RAB18: variants seen among roughly 807,000 people sequenced by gnomAD.
The protein encoded by RAB18 is ras-related protein Rab-18.
A neutral mutation model predicts 28.5 loss-of-function variants in RAB18; 10 were observed. The observed-to-expected ratio is 0.35, with a 90% CI of 0.22 to 0.60. The LOEUF is 0.60. RAB18 is among the 20% of genes least tolerant of loss of function. The pLI is 0.78. For missense variants in RAB18, 188 were observed against 244.2 expected (o/e 0.77, Z 1.53); for synonymous variants, 93 against 86.9 (o/e 1.07, Z -0.39).
chr10:27,508,280 A>G lies in RAB18; in HGVS notation c.69-1595A>G, dbSNP rs572957143. 1.6e-4 allele frequency among the ~76,000 whole-genome samples: 25 copies of G among 152,298 alleles called. No individual in the cohort carries two copies. In the South Asian group the frequency reaches 5.0e-3, roughly 30 times the overall value. On this transcript the variant is annotated intron_variant, in intron 1 of 6. Coordinates refer to ENST00000356940, the MANE Select transcript of RAB18 (RefSeq NM_021252.5). The stretch of plus-strand genomic sequence containing the variant: ...CACCAATTCCCTGCCTCTCCTTACA[A>G]AGTACTGTTAATAACAAAGGCCATT...
At chr10:27,510,033 C>G in intron 2 of RAB18, 103 bp downstream of exon 2, 1 of 862,104 alleles carries the variant, frequency 1.2e-6, no homozygotes, top group Non-Finnish European at 2.0e-6. Context: ...CCCACTGCCT[C>G]CATGTCTGTT....
chr10:27,504,537 C>A, intron 1 of RAB18, 100 bp downstream of exon 1: 1 of 1,376,066 alleles, frequency 7.3e-7, no homozygotes, highest in Non-Finnish European at 1.0e-6. Flanking sequence ...ACTGCAGCGG[C>A]GGGCTCGGGC....
chr10:27,528,973 A>G (rs1834734066), intron 3 of RAB18, among the ~76,000 whole-genome samples: 1 of 152,044 alleles, frequency 6.6e-6, no homozygotes, highest in Non-Finnish European at 1.5e-5. Context: ...CATTTTAAAA[A>G]ATAAGTTTTC....
rs1442203382 is a variant in RAB18 at position 27,531,579 on chromosome 10, A to G, written c.187-928A>G. The stretch of plus-strand genomic sequence containing the variant: ...ACTTTTTCTTAAAGAGCCAGATAGG[A>G]AATAGTCCAATCCTGAAGTGGGCCA... On this transcript the variant is annotated intron_variant, in intron 3 of 6. Coordinates refer to ENST00000356940, the MANE Select transcript of RAB18 (RefSeq NM_021252.5). 10 of 1,235,540 alleles carry G rather than the reference A, an allele frequency of 8.1e-6. No homozygotes were observed. The Admixed American group carries it at 2.0e-4, about 24-fold the overall frequency. The allele number at this position is 1,235,540 out of a possible 1,614,324, so 76.5% of individuals were successfully genotyped here. A position where few individuals can be genotyped will look rare whatever the true frequency, so the allele number is the denominator to read the frequency against.
chr10:27,541,041 G>A lies in RAB18; in HGVS notation c.*2990G>A. On this transcript the variant is annotated 3_prime_UTR_variant, in exon 7 of 7. Coordinates refer to ENST00000356940, the MANE Select transcript of RAB18 (RefSeq NM_021252.5). ...TCAAATGAACTCAACAATTCTTCAG[G>A]TATTATAGATCAGAGATCCTCTCCA... 1 of 452,200 alleles carries A rather than the reference G, an allele frequency of 2.2e-6. No individual in the cohort carries two copies. Among genetic ancestry groups the A allele is most frequent in the Non-Finnish European group, 4.4e-6 (1 of 226,078 alleles). 28.0% of individuals were successfully genotyped at this position (452,200 alleles called of 1,614,324 possible). A position where few individuals can be genotyped will look rare whatever the true frequency, so the allele number is the denominator to read the frequency against.
chr10:27,504,361 G>C lies in RAB18; in HGVS notation c.-9G>C, dbSNP rs373545501. 2 of 1,572,422 alleles carry C rather than the reference G, an allele frequency of 1.3e-6. No homozygotes were observed. The highest frequency in any genetic ancestry group is 4.6e-5 in the East Asian group (2 of 43,442). On this transcript the variant is annotated 5_prime_UTR_variant, in exon 1 of 7. Coordinates refer to ENST00000356940, the MANE Select transcript of RAB18 (RefSeq NM_021252.5). Reference sequence around the variant, plus strand: ...CGGCCAGCTGGGCTCGGAGCGGAACGGGGTCAGGATGGACGAGGACGTGCT... The same window carrying C: ...CGGCCAGCTGGGCTCGGAGCGGAACCGGGTCAGGATGGACGAGGACGTGCT...
intron 2 of RAB18, among the ~76,000 whole-genome samples, chr10:27,523,837 T>C (rs1322654363): frequency 6.6e-6 from 1 of 152,040 alleles, no homozygotes; most frequent in Admixed American, 6.6e-5. Flanking sequence ...CGCAGCACTT[T>C]GGGAGGCCGA....
chr10:27,541,376 G>A lies in RAB18; in HGVS notation c.*3325G>A. 1 of 450,434 alleles carries A rather than the reference G, an allele frequency of 2.2e-6. No homozygotes were observed. The highest frequency in any genetic ancestry group is 1.6e-5 in the South Asian group (1 of 64,166). The allele number at this position is 450,434 out of a possible 1,614,324, so 27.9% of individuals were successfully genotyped here. A position where few individuals can be genotyped will look rare whatever the true frequency, so the allele number is the denominator to read the frequency against. ...TTTTTTTTTAATTTTTCTCTCCTCAGTTGGGAACATCTATCATGCTGGAGG... is the reference window on the plus strand; with the variant it reads ...TTTTTTTTTAATTTTTCTCTCCTCAATTGGGAACATCTATCATGCTGGAGG... On this transcript the variant is annotated 3_prime_UTR_variant, in exon 7 of 7. Transcript: ENST00000356940.
rs1350173497 is a variant in RAB18, at chr10:27,538,171, C to T, written c.*120C>T. 1 of 1,332,754 alleles carries T rather than the reference C, an allele frequency of 7.5e-7. No homozygotes were observed. The highest frequency in any genetic ancestry group is 1.1e-6 in the Non-Finnish European group (1 of 940,728). The allele number at this position is 1,332,754 out of a possible 1,614,324, so 82.6% of individuals were successfully genotyped here. On this transcript the variant is annotated 3_prime_UTR_variant, in exon 7 of 7. Transcript: ENST00000356940. ...TGCACATAATTGTTTTATATCATAG[C>T]AGTAAATATTTGCAAGAAATCCCAC...
chr10:27,511,776 CCTT>C (rs978418334), intron 2 of RAB18, among the ~76,000 whole-genome samples: 2 of 152,158 alleles, frequency 1.3e-5, no homozygotes, highest in African/African-American at 4.8e-5. Context: ...TAGGTATCCT[CCTT>C]CTTACACTTT....
intron 2 of RAB18, among the ~76,000 whole-genome samples, chr10:27,522,958 T>A (rs1274149794): frequency 6.6e-6 from 1 of 152,074 alleles, no homozygotes; most frequent in Non-Finnish European, 1.5e-5. Context: ...TAGAAGCAAC[T>A]TTTGGATTCA....
rs544435413 is a variant in RAB18 at position 27,509,036 on chromosome 10, A to G, written c.69-839A>G. 4.6e-5 allele frequency among the ~76,000 whole-genome samples: 7 copies of G among 152,302 alleles called. No homozygotes were observed. In the East Asian group the frequency reaches 1.3e-3, roughly 29 times the overall value. On this transcript the variant is annotated intron_variant, in intron 1 of 6. Transcript: ENST00000356940. ...ATAACTGACACTTCTGCTTCATAGTAAGTAAAATAATTCTGGAAGATGTAA... is the reference window on the plus strand; with the variant it reads ...ATAACTGACACTTCTGCTTCATAGTGAGTAAAATAATTCTGGAAGATGTAA...
intron 3 of RAB18, among the ~76,000 whole-genome samples, chr10:27,529,275 A>G (rs1037016352): frequency 6.6e-6 from 1 of 151,872 alleles, no homozygotes; most frequent in African/African-American, 2.4e-5. Context: ...TGTCATTTCA[A>G]GGTTTTAATA....
At chr10:27,531,633 C>T (rs977567367) in intron 3 of RAB18, 3 of 770,990 alleles carry the variant, frequency 3.9e-6, no homozygotes, top group Non-Finnish European at 6.9e-6. Flanking sequence ...AATAGGCCTG[C>T]TGTGTTTCAA....
intron 2 of RAB18, among the ~76,000 whole-genome samples, chr10:27,521,422 T>G (rs1475288747): frequency 1.3e-5 from 2 of 152,170 alleles, no homozygotes; most frequent in African/African-American, 2.4e-5. Flanking sequence ...AGCAGCACAA[T>G]TCACAATTGC....
intron 3 of RAB18, among the ~76,000 whole-genome samples, chr10:27,529,677 A>G (rs530757487): frequency 3.3e-5 from 5 of 152,112 alleles, no homozygotes; most frequent in African/African-American, 1.2e-4. Context: ...CAGGATAGAG[A>G]CAAAAAGCTG....
intron 1 of RAB18, chr10:27,505,290 T>A: frequency 2.4e-6 from 1 of 416,390 alleles, no homozygotes; most frequent in Non-Finnish European, 4.8e-6. Flanking sequence ...CATCTGATTA[T>A]GAGTAGGTTA....
chr10:27,526,948 A>C, intron 3 of RAB18, 59 bp downstream of exon 3: 2 of 1,538,324 alleles, frequency 1.3e-6, no homozygotes, highest in South Asian at 1.1e-5. Flanking sequence ...AGGATGCAGA[A>C]ATTGATTTGT....
intron 1 of RAB18, 139 bp downstream of exon 1, chr10:27,504,576 TGG>T (rs1837757431): frequency 1.0e-6 from 1 of 987,688 alleles, no homozygotes; most frequent in Admixed American, 2.0e-5. Flanking sequence ...CCTCGGCCTC[TGG>T]GCCGCGCTCT....
Sources: allele counts gnomAD v4.1 joint callset (sites outside exome capture counted in the v4.1 genomes callset), GRCh38; gene constraint gnomAD v4.1.1; transcripts MANE v1.5; gene names NCBI Gene and HGNC (gene_info 2026-07-23, HGNC 2026-07-21).